The following PRKCQ variants were observed in gnomAD, a reference collection of about 807,000 sequenced individuals.
PRKCQ encodes protein kinase C theta, also known as protein kinase C theta type.
A neutral mutation model predicts 91.2 loss-of-function variants in PRKCQ; 41 were observed. The ratio of observed to expected loss-of-function variants is 0.45; its 90% CI spans 0.35 to 0.58. PRKCQ has a LOEUF of 0.58. PRKCQ is among the 20% of genes least tolerant of loss of function. The pLI is 0.00. For missense variants in PRKCQ, 673 were observed against 896.5 expected, an observed-to-expected ratio of 0.75 and a Z score of 3.18; for synonymous variants, 307 against 316.9, an observed-to-expected ratio of 0.97 and a Z score of 0.33.
the PRKCQ span, among the ~76,000 whole-genome samples, chr10:6,414,472 C>T: frequency 0.049 from 7,390 of 151,966 alleles, 290 homozygotes; most frequent in South Asian, 0.14. Flanking sequence ...GAGGAGGGGA[C>T]GAATCAACAA....
chr10:6,556,434 GAA>G (rs919270279), intron 1 of PRKCQ, among the ~76,000 whole-genome samples: 19 of 12,346 alleles, frequency 1.5e-3, no homozygotes, highest in Non-Finnish European at 6.2e-3. Flanking sequence ...CCTGTCTTGG[GAA>G]AAAAAAAAAA....
At chr10:6,468,419 A>G (rs1400470139) in intron 12 of PRKCQ, among the ~76,000 whole-genome samples, 6 of 152,268 alleles carry the variant, frequency 3.9e-5, no homozygotes, top group Admixed American at 3.9e-4. Flanking sequence ...TGAGTAAACA[A>G]GGAAATGGCT....
intron 10 of PRKCQ, among the ~76,000 whole-genome samples, chr10:6,484,202 T>C (rs971586174): frequency 6.6e-6 from 1 of 152,170 alleles, no homozygotes; most frequent in Admixed American, 6.5e-5. Flanking sequence ...TTGCCTGAGC[T>C]CAGGCATTTG....
At chr10:6,514,887 A>G (rs1838673824) in intron 2 of PRKCQ, 131 bp downstream of exon 2, 1 of 1,456,626 alleles carries the variant, frequency 6.9e-7, no homozygotes, top group African/African-American at 1.4e-5. Flanking sequence ...TTTGCTGGGC[A>G]TCAGCGTCCT....
intron 12 of PRKCQ, among the ~76,000 whole-genome samples, chr10:6,466,174 T>G (rs555590891): frequency 3.2e-4 from 48 of 152,342 alleles, no homozygotes; most frequent in Non-Finnish European, 6.3e-4. Flanking sequence ...CTTCTAAGTG[T>G]TTGGATGCTT....
intron 2 of PRKCQ, among the ~76,000 whole-genome samples, chr10:6,514,422 T>C (rs1316849127): frequency 6.6e-6 from 1 of 152,028 alleles, no homozygotes; most frequent in Non-Finnish European, 1.5e-5. Context: ...AAACAGGACG[T>C]TGGGTGGCTG....
At chr10:6,397,880 G>A in the PRKCQ span, among the ~76,000 whole-genome samples, 4 of 152,104 alleles carry the variant, frequency 2.6e-5, no homozygotes, top group Non-Finnish European at 5.9e-5. Context: ...AGCTGAGATC[G>A]TGCCATTGCA....
chr10:6,414,763 A>T, the PRKCQ span, among the ~76,000 whole-genome samples: 1 of 150,786 alleles, frequency 6.6e-6, no homozygotes, highest in Admixed American at 6.6e-5. Context: ...AATAGAAATT[A>T]TCCAAGACCC....
chr10:6,502,856 C>T (rs1053085820), intron 4 of PRKCQ, among the ~76,000 whole-genome samples: 2 of 152,178 alleles, frequency 1.3e-5, no homozygotes, highest in African/African-American at 4.8e-5. Flanking sequence ...AAATAGGTTA[C>T]TCGTGAATGT....
intron 13 of PRKCQ, among the ~76,000 whole-genome samples, chr10:6,463,403 G>C (rs1231479660): frequency 6.6e-6 from 1 of 152,190 alleles, no homozygotes; most frequent in African/African-American, 2.4e-5. Flanking sequence ...GGAGACGACA[G>C]TGGACTAAGT....
At chr10:6,398,656 G>GGA in the PRKCQ span, among the ~76,000 whole-genome samples, 7,818 of 152,124 alleles carry the variant, frequency 0.051, 342 homozygotes, top group East Asian at 0.14. Flanking sequence ...CTAGATGCTG[G>GGA]GAGAGAGAGA....
the PRKCQ span, among the ~76,000 whole-genome samples, chr10:6,404,036 G>A: frequency 7.9e-5 from 12 of 152,010 alleles, 1 homozygote; most frequent in Admixed American, 7.9e-4. Context: ...CCTAAAAAGG[G>A]GGAGAGGAAA....
rs141006912 is a variant in PRKCQ at position 6,571,086 on chromosome 10, C to T, written c.-10+9125G>A. 1.5e-3 allele frequency among the ~76,000 whole-genome samples: 228 copies of T among 152,028 alleles called. 2 individuals carry two copies. The highest frequency in any genetic ancestry group is 4.8e-3 in the African/African-American group (201 of 41,458). On this transcript the variant is annotated intron_variant, in intron 1 of 17. Transcript: ENST00000263125. ...GAAGGAAGATCATTGGCCAGGGAAA[C>T]GTCTGGGAGCTGGGGAAGACAGAGA... is the stretch of plus-strand genomic sequence containing the variant.
chr10:6,493,680 A>G (rs1447052866), intron 7 of PRKCQ, among the ~76,000 whole-genome samples: 1 of 152,248 alleles, frequency 6.6e-6, no homozygotes, highest in East Asian at 1.9e-4. Context: ...GAAGGCATCA[A>G]GTAAAGGAAG....
Position 6,479,077 on chromosome 10 carries a change from T to C in PRKCQ, c.1268A>G (p.Glu423Gly). 6.2e-7 allele frequency: 1 copy of C among 1,614,212 alleles called. No homozygotes were observed. Among genetic ancestry groups the C allele is most frequent in the Non-Finnish European group, 8.5e-7 (1 of 1,180,030 alleles). ...KDVVLMDDDVECTMVEKRVLS... is the reference protein window; with the variant it reads ...KDVVLMDDDVGCTMVEKRVLS... Reference sequence around the variant, plus strand: ...AACTCTCTTCTCTACCATCGTGCACTCAACATCATCGTCCATCAAGACCAC... The same window carrying C: ...AACTCTCTTCTCTACCATCGTGCACCCAACATCATCGTCCATCAAGACCAC... The change falls in exon 12 of 18, where the codon GAG (glutamate) becomes GGG (glycine). Residue 423 changes from glutamate (E) to glycine (G), a missense_variant. Transcript: ENST00000263125.
chr10:6,502,210 C>G (rs558014396), intron 4 of PRKCQ, among the ~76,000 whole-genome samples: 1 of 152,042 alleles, frequency 6.6e-6, no homozygotes, highest in African/African-American at 2.4e-5. Context: ...TGTGGGACCA[C>G]GGAAATGAGG....
intron 15 of PRKCQ, among the ~76,000 whole-genome samples, chr10:6,443,189 G>A (rs1339399149): frequency 6.6e-6 from 1 of 152,170 alleles, no homozygotes; most frequent in African/African-American, 2.4e-5. Context: ...GACATTGGAA[G>A]GTAGAGGGCA....
At chr10:6,470,403 G>C (rs998063003) in intron 12 of PRKCQ, among the ~76,000 whole-genome samples, 1 of 152,158 alleles carries the variant, frequency 6.6e-6, no homozygotes, top group African/African-American at 2.4e-5. Flanking sequence ...CCCCTGAAGA[G>C]TCCCATGCGT....
intron 16 of PRKCQ, among the ~76,000 whole-genome samples, chr10:6,439,809 T>C (rs2132253715): frequency 6.6e-6 from 1 of 152,310 alleles, no homozygotes; most frequent in East Asian, 1.9e-4. Context: ...AGGTTATTGG[T>C]GGTCGTTTTG....
Sources: gnomAD v4.1 joint callset for allele counts (sites outside exome capture counted in the v4.1 genomes callset) on GRCh38, gnomAD v4.1.1 for gene constraint, MANE v1.5 for transcripts, NCBI Gene and HGNC (gene_info 2026-07-23, HGNC 2026-07-21) for gene names.